The following LHFPL6 variants were observed in gnomAD, a reference collection of about 807,000 sequenced individuals.
LHFPL6 encodes LHFPL tetraspan subfamily member 6 protein.
A neutral mutation model predicts 20.6 loss-of-function variants in LHFPL6; 9 were observed. That is an observed-to-expected ratio of 0.44 (90% CI 0.26 to 0.76). LHFPL6 has a LOEUF of 0.76. LHFPL6 is among the 30% of genes least tolerant of loss of function. The pLI is 0.20. For missense variants in LHFPL6, 218 were observed against 253.5 expected, an observed-to-expected ratio of 0.86 and a Z score of 0.95; for synonymous variants, 105 against 98.7, an observed-to-expected ratio of 1.06 and a Z score of -0.38.
intron 3 of LHFPL6, among the ~76,000 whole-genome samples, chr13:39,363,053 C>G (rs1028119996): frequency 6.6e-6 from 1 of 152,110 alleles, no homozygotes; most frequent in African/African-American, 2.4e-5. Flanking sequence ...ATATTTCCCA[C>G]TGAAAAAAGG....
intron 2 of LHFPL6, among the ~76,000 whole-genome samples, chr13:39,456,143 A>G (rs531149681): frequency 2.0e-5 from 3 of 152,360 alleles, no homozygotes; most frequent in Non-Finnish European, 4.4e-5. Flanking sequence ...GACAAGTGTC[A>G]GTTTCTTAAA....
chr13:39,412,751 T>C (rs1438840507), intron 2 of LHFPL6, among the ~76,000 whole-genome samples: 1 of 152,088 alleles, frequency 6.6e-6, no homozygotes, highest in Non-Finnish European at 1.5e-5. Flanking sequence ...TGTGAAACCC[T>C]GTCCCTACTA....
chr13:39,602,415 G>T (rs957956733), intron 1 of LHFPL6, among the ~76,000 whole-genome samples: 1 of 152,074 alleles, frequency 6.6e-6, no homozygotes, highest in African/African-American at 2.4e-5. Flanking sequence ...CGGGAGGTCG[G>T]CTACTACTTT....
chr13:39,575,952 CT>C (rs1316208844), intron 2 of LHFPL6, among the ~76,000 whole-genome samples: 2 of 152,192 alleles, frequency 1.3e-5, no homozygotes, highest in African/African-American at 4.8e-5. Flanking sequence ...CCAACATTTA[CT>C]TTCTATTCAG....
At chr13:39,452,521 G>A (rs531539049) in intron 2 of LHFPL6, among the ~76,000 whole-genome samples, 2 of 152,188 alleles carry the variant, frequency 1.3e-5, no homozygotes, top group Non-Finnish European at 2.9e-5. Flanking sequence ...AATGTAAAGT[G>A]GAGCAGTAGG....
intron 2 of LHFPL6, among the ~76,000 whole-genome samples, chr13:39,381,781 CAG>C (rs749268800): frequency 1.4e-5 from 2 of 147,502 alleles, no homozygotes; most frequent in African/African-American, 2.6e-5. Context: ...ATGGCAGATT[CAG>C]AGAGACTCCC....
chr13:39,539,201 GTTCTTT>G (rs1870719492), intron 2 of LHFPL6, among the ~76,000 whole-genome samples: 1 of 151,944 alleles, frequency 6.6e-6, no homozygotes, highest in Non-Finnish European at 1.5e-5. Context: ...TAGCCTTTTA[GTTCTTT>G]TTCTTTTGCA....
chr13:39,445,776 T>C (rs17059949), intron 2 of LHFPL6, among the ~76,000 whole-genome samples: 29,917 of 152,174 alleles, frequency 0.2, 3,120 homozygotes, highest in East Asian at 0.38. Flanking sequence ...GTCTTTCAAG[T>C]AGACATCCTA....
At chr13:39,415,808 C>A (rs1365590780) in intron 2 of LHFPL6, among the ~76,000 whole-genome samples, 1 of 152,208 alleles carries the variant, frequency 6.6e-6, no homozygotes, top group Non-Finnish European at 1.5e-5. Context: ...GAAGTCTAAA[C>A]CTTGACACTT....
At chr13:39,495,198 T>C (rs1869058347) in intron 2 of LHFPL6, among the ~76,000 whole-genome samples, 1 of 152,248 alleles carries the variant, frequency 6.6e-6, no homozygotes, top group South Asian at 2.1e-4. Flanking sequence ...TATGTGTTGC[T>C]TTGAGACCTT....
At chr13:39,538,696 G>A (rs575563266) in intron 2 of LHFPL6, among the ~76,000 whole-genome samples, 2 of 151,930 alleles carry the variant, frequency 1.3e-5, no homozygotes, top group Non-Finnish European at 1.5e-5. Flanking sequence ...GGAGGCAATT[G>A]AAATTTTTAT....
chr13:39,357,180 A>G (rs2138341847), intron 3 of LHFPL6, among the ~76,000 whole-genome samples: 2 of 152,324 alleles, frequency 1.3e-5, no homozygotes, highest in Middle Eastern at 6.8e-3. Context: ...TCAAACAAAA[A>G]ATAAATAAAA....
intron 3 of LHFPL6, among the ~76,000 whole-genome samples, chr13:39,366,822 A>C (rs1870024738): frequency 6.6e-6 from 1 of 152,200 alleles, no homozygotes; most frequent in African/African-American, 2.4e-5. Flanking sequence ...TGAGGAACCC[A>C]AACTAAGGGA....
intron 2 of LHFPL6, among the ~76,000 whole-genome samples, chr13:39,588,138 G>A (rs919303215): frequency 1.3e-5 from 2 of 152,092 alleles, no homozygotes; most frequent in Non-Finnish European, 2.9e-5. Context: ...CGTGGCTGCC[G>A]AGTGAGCCTC....
intron 2 of LHFPL6, among the ~76,000 whole-genome samples, chr13:39,402,434 G>A (rs140532556): frequency 1.2e-3 from 188 of 152,172 alleles, no homozygotes; most frequent in African/African-American, 4.4e-3. Flanking sequence ...CTTGCTATGT[G>A]GGTCAAGCTG....
intron 2 of LHFPL6, among the ~76,000 whole-genome samples, chr13:39,597,275 G>C: frequency 6.6e-6 from 1 of 152,296 alleles, no homozygotes; most frequent in South Asian, 2.1e-4. Context: ...TACACATTCA[G>C]ATTCTGACAT....
intron 2 of LHFPL6, among the ~76,000 whole-genome samples, chr13:39,390,720 T>A (rs1299651157): frequency 6.6e-6 from 1 of 151,956 alleles, no homozygotes; most frequent in Non-Finnish European, 1.5e-5. Context: ...CAAGGCCGGG[T>A]GCAGAGGCTC....
At chr13:39,365,378 C>T (rs750365835) in intron 3 of LHFPL6, among the ~76,000 whole-genome samples, 5 of 152,150 alleles carry the variant, frequency 3.3e-5, no homozygotes, top group African/African-American at 4.8e-5. Context: ...AGAACCGGAA[C>T]GGAACTGCAG....
chr13:39,592,383 A>G (rs527405282), intron 2 of LHFPL6, among the ~76,000 whole-genome samples: 79 of 152,356 alleles, frequency 5.2e-4, no homozygotes, highest in Non-Finnish European at 9.1e-4. Flanking sequence ...AGAAATGGAT[A>G]AATTCCTCAA....
Sources: gnomAD v4.1 joint callset for allele counts (sites outside exome capture counted in the v4.1 genomes callset) on GRCh38, gnomAD v4.1.1 for gene constraint, MANE v1.5 for transcripts, NCBI Gene and HGNC (gene_info 2026-07-23, HGNC 2026-07-21) for gene names.